Variants in MYO16 observed in about 807,000 individuals in gnomAD.
MYO16 encodes myosin XVI.
A neutral mutation model predicts 205.3 loss-of-function variants in MYO16; 94 were observed. The ratio of observed to expected loss-of-function variants is 0.46; its 90% confidence interval spans 0.39 to 0.54. The LOEUF (loss-of-function observed/expected upper bound fraction) is 0.54. MYO16 is among the 20% of genes least tolerant of loss of function. MYO16 has a pLI of 0.00. For synonymous variants in MYO16, 988 were observed against 954.0 expected, an observed-to-expected ratio of 1.04 and a Z score of -0.66; for missense variants, 2,315 against 2,387.5, an observed-to-expected ratio of 0.97 and a Z score of 0.63.
chr13:108,742,651 C>G (rs1884945635), intron 4 of MYO16, among the ~76,000 whole-genome samples: 1 of 152,152 alleles, frequency 6.6e-6, no homozygotes, highest in African/African-American at 2.4e-5. Context: ...GATTGAGAAG[C>G]CTTTTTGTTA....
chr13:109,127,299 G>A lies in MYO16; in HGVS notation c.3800G>A (p.Gly1267Glu). The A allele has an allele frequency of 6.3e-7, 1 of 1,593,202 alleles. No homozygotes were observed. The highest frequency in any genetic ancestry group is 8.6e-7 in the Non-Finnish European group (1 of 1,165,410). The change falls in exon 31 of 35, where the codon GGA (glycine) becomes GAA (glutamate). Residue 1267 changes from glycine (G) to glutamate (E), a missense_variant. This residue lies in a region of MYO16 where 1,097 missense variants were observed against 1,092.0 expected (regional missense o/e 1.00). Transcript: ENST00000457511. The surrounding 1 kb of genome is among the most constrained non-coding windows in gnomAD (Gnocchi z 4.2). Reference sequence around the variant, plus strand: ...CCCCTAAGAACCGATGACAAGAGTGGACCCAGGCATTTCCACCCCAGCTCC... The same window carrying A: ...CCCCTAAGAACCGATGACAAGAGTGAACCCAGGCATTTCCACCCCAGCTCC... ...EGSKRTDDKS[G>E]PRHFHPSSMS...
chr13:109,001,250 AAAAC>A (rs1356500021), intron 21 of MYO16, among the ~76,000 whole-genome samples: 1 of 151,958 alleles, frequency 6.6e-6, no homozygotes, highest in African/African-American at 2.4e-5. Context: ...AATACAAACA[AAAAC>A]AAATACGGCA....
intron 6 of MYO16, among the ~76,000 whole-genome samples, chr13:108,803,494 G>A (rs1481168411): frequency 6.6e-6 from 1 of 152,200 alleles, no homozygotes; most frequent in Non-Finnish European, 1.5e-5. Flanking sequence ...AATGGGCACA[G>A]TGTTGGGGGC....
chr13:108,978,187 T>G (rs1172290373), intron 20 of MYO16, among the ~76,000 whole-genome samples: 2 of 152,100 alleles, frequency 1.3e-5, no homozygotes, highest in Non-Finnish European at 2.9e-5. Flanking sequence ...TTAGTTCTAA[T>G]AAATTTCCTG....
At chr13:108,629,923 T>A in intron 1 of MYO16, 51 bp downstream of exon 1, 2 of 1,491,232 alleles carry the variant, frequency 1.3e-6, no homozygotes, top group Admixed American at 4.0e-5. Context: ...TGTTGAAGTA[T>A]TATTTTGTGC....
rs755067367 is a variant in MYO16, at chr13:108,665,984, A to C, written c.127A>C (p.Lys43Gln). 6.2e-7 allele frequency: 1 copy of C among 1,614,140 alleles called. No homozygotes were observed. The highest frequency in any genetic ancestry group is 1.7e-5 in the Admixed American group (1 of 60,012). ...LPLGQRQRLV[K>Q]RMRCEQIKAY... ...CCTTGGCCAACGGCAGCGTCTAGTG[A>C]AGCGCATGCGCTGTGAGCAAATCAA... Residue 43 changes from lysine (K) to glutamine (Q), a missense_variant, in exon 2 of 35, where the codon AAG (lysine) becomes CAG (glutamine). Around this residue, in one of 3 missense-constraint regions of MYO16, gnomAD observed 1,213 missense variants for 1,274.4 expected, o/e 0.95. Transcript: ENST00000457511.
intron 16 of MYO16, among the ~76,000 whole-genome samples, chr13:108,952,390 C>T (rs192600328): frequency 1.1e-4 from 17 of 152,190 alleles, no homozygotes; most frequent in Admixed American, 8.5e-4. Context: ...TGTGTTGGTT[C>T]GCCAATGACT....
At chr13:108,558,738 A>C in the MYO16 span, among the ~76,000 whole-genome samples, 7 of 152,226 alleles carry the variant, frequency 4.6e-5, no homozygotes, top group South Asian at 1.4e-3. Context: ...TGCCACAGAA[A>C]GTCCAGGGTT....
In MYO16 at chr13:109,207,178, C is replaced by T. The variant is rs1880638806; in HGVS notation, c.*342C>T. ...GGAGGAAAGGAGCAATCCATGCACA[C>T]TCTGTACAGTTGTTTTTCTACGGTT... On this transcript the variant is annotated 3_prime_UTR_variant, in exon 35 of 35. Transcript: ENST00000457511. The T allele has an allele frequency of 7.5e-6, 2 of 267,412 alleles. No homozygotes were observed. The highest frequency in any genetic ancestry group is 1.2e-4 in the South Asian group (2 of 16,678). 16.6% of individuals were successfully genotyped at this position (267,412 alleles called of 1,614,324 possible).
intron 23 of MYO16, among the ~76,000 whole-genome samples, chr13:109,030,118 C>A (rs977924962): frequency 6.7e-6 from 1 of 150,080 alleles, no homozygotes. Flanking sequence ...TTCCTAATAA[C>A]CTTCTTTGTT....
chr13:109,201,957 C>CA (rs536818584), intron 34 of MYO16, among the ~76,000 whole-genome samples: 6 of 150,260 alleles, frequency 4.0e-5, no homozygotes, highest in African/African-American at 1.2e-4. Context: ...AGTATTCCAT[C>CA]ATATATATAT....
chr13:108,646,108 T>C (rs1400195727), intron 1 of MYO16, among the ~76,000 whole-genome samples: 1 of 152,172 alleles, frequency 6.6e-6, no homozygotes, highest in African/African-American at 2.4e-5. Flanking sequence ...TGTGATCACA[T>C]GTCTGCATGA....
chr13:108,771,269 T>C (rs952766963), intron 4 of MYO16, among the ~76,000 whole-genome samples: 5 of 152,314 alleles, frequency 3.3e-5, no homozygotes, highest in Admixed American at 3.3e-4. Flanking sequence ...AGAAAAACTA[T>C]GTAAGCATAA....
Position 108,869,531 on chromosome 13 carries a change from T to C in MYO16, c.1425+3289T>C, listed in dbSNP as rs1168869685. 3.3e-5 allele frequency among the ~76,000 whole-genome samples: 5 copies of C among 150,046 alleles called. No individual in the cohort carries two copies. The South Asian group carries it at 6.3e-4, about 19-fold the overall frequency. ...CGAGGTCAGGAGATCGAGACCATCC[T>C]GGCTAACACGATGAAACCCCGTCTC... On this transcript the variant is annotated intron_variant, in intron 12 of 34. Transcript: ENST00000457511.
the MYO16 span, among the ~76,000 whole-genome samples, chr13:108,567,167 A>G: frequency 2.6e-5 from 4 of 152,162 alleles, no homozygotes; most frequent in South Asian, 4.1e-4. Flanking sequence ...GGTTTGGAGG[A>G]TATTGAAGTA....
chr13:108,990,196 C>CA (rs1884782834), intron 20 of MYO16, among the ~76,000 whole-genome samples: 2 of 149,672 alleles, frequency 1.3e-5, no homozygotes, highest in Non-Finnish European at 3.0e-5. Context: ...CCAAAACAAA[C>CA]AAAAAATCAC....
chr13:108,907,219 A>C (rs925892516), intron 15 of MYO16, among the ~76,000 whole-genome samples: 7 of 152,166 alleles, frequency 4.6e-5, no homozygotes, highest in African/African-American at 1.7e-4. Flanking sequence ...TAATGAACAA[A>C]AGCTGTATAG....
Position 108,853,954 on chromosome 13 carries a change from T to TTGTGGGGGTG in MYO16, c.1249-1485_1249-1484insGGGGTGTGTG, listed in dbSNP as rs1555305769. 2.1e-3 allele frequency among the ~76,000 whole-genome samples: 296 copies of TTGTGGGGGTG among 138,594 alleles called. 2 individuals carry two copies. Among genetic ancestry groups the TTGTGGGGGTG allele is most frequent in the African/African-American group, 7.3e-3 (273 of 37,500 alleles). 90.9% of individuals were successfully genotyped at this position (138,594 alleles called of 152,430 possible). ...CACTACTCAATTTGTGTTTCTATTA[T>TTGTGGGGGTG]TGTGTGTGTGTGTGTGTGTGTGTGT... is the stretch of plus-strand genomic sequence containing the variant. On this transcript the variant is annotated intron_variant, in intron 10 of 34. Transcript: ENST00000457511.
chr13:109,051,760 ATTTGT>A (rs958240777), intron 24 of MYO16, among the ~76,000 whole-genome samples: 9 of 151,966 alleles, frequency 5.9e-5, no homozygotes, highest in African/African-American at 1.7e-4. Context: ...GTTTTTTGTT[ATTTGT>A]TTTGTTTTGT....
Sources: allele counts gnomAD v4.1 joint callset (sites outside exome capture counted in the v4.1 genomes callset), GRCh38; gene constraint gnomAD v4.1.1; regional missense constraint gnomAD v4.1.1; non-coding constraint Gnocchi (gnomAD v3.1); transcripts MANE v1.5; gene names NCBI Gene and HGNC (gene_info 2026-07-23, HGNC 2026-07-21).